The following SAP30BP variants were observed in gnomAD, a reference collection of about 807,000 sequenced individuals.
SAP30BP encodes the protein SAP30-binding protein.
In SAP30BP, 31 loss-of-function variants were observed where a neutral mutation model predicts 46.3. The ratio of observed to expected loss-of-function variants is 0.67; its 90% CI spans 0.50 to 0.90. SAP30BP has a LOEUF of 0.90. Ranked by LOEUF, SAP30BP falls within the 40% of genes least tolerant of loss-of-function variation. The pLI is 0.00. For missense variants in SAP30BP, 312 were observed against 391.0 expected (o/e 0.80, Z 1.70); for synonymous variants, 169 against 144.2 (o/e 1.17, Z -1.23).
rs563722858 is a variant in SAP30BP at position 75,703,769 on chromosome 17, G to A, written c.550-39G>A. 5 of 1,592,978 alleles carry A rather than the reference G, an allele frequency of 3.1e-6. No homozygotes were observed. The African/African-American group carries it at 6.7e-5, about 21-fold the overall frequency. ...TTGGGCCAGGAACTTGGGTTTCTGA[G>A]TCATTTGTCATCTGAGTCATTCGCC... On this transcript the variant is annotated intron_variant, in intron 7 of 10. Transcript: ENST00000584667.
intron 4 of SAP30BP, among the ~76,000 whole-genome samples, chr17:75,699,309 T>C (rs1044561751): frequency 3.3e-5 from 5 of 152,146 alleles, no homozygotes; most frequent in African/African-American, 4.8e-5. Flanking sequence ...TTCAAGCAAT[T>C]CTAGTTCCTC....
chr17:75,699,869 C>T lies in SAP30BP; in HGVS notation c.394C>T (p.Gln132Ter). 6.2e-7 allele frequency: 1 copy of T among 1,609,756 alleles called. No individual in the cohort carries two copies. Among genetic ancestry groups the T allele is most frequent in the Non-Finnish European group, 8.5e-7 (1 of 1,176,250 alleles). ...EPPGRCSNHL[Q>*]DKIQKLYERK... is the part of the protein sequence containing the mutation. ...CCCTGGCAGATGTTCAAATCACTTG[C>T]AAGTAAGCATGAGACTCGGCTACTG... is the stretch of plus-strand genomic sequence containing the variant. Residue 132 changes from glutamine (Q) to a stop codon, truncating the protein, a stop_gained and splice_region_variant, in exon 5 of 11, where the codon CAA (glutamine) becomes TAA (stop). Transcript: ENST00000584667. LOFTEE classifies it high-confidence loss of function.
chr17:75,704,876 C>G (rs1266934672), intron 9 of SAP30BP, 62 bp downstream of exon 9: 9 of 1,357,538 alleles, frequency 6.6e-6, no homozygotes, highest in Middle Eastern at 1.8e-4. Context: ...GTCCTGCTGG[C>G]TGAGCCCAGA....
chr17:75,674,561 G>T (rs2059954944), intron 3 of SAP30BP, among the ~76,000 whole-genome samples: 1 of 151,992 alleles, frequency 6.6e-6, no homozygotes, highest in Non-Finnish European at 1.5e-5. Flanking sequence ...CTCCCAAAGT[G>T]CTGGGATTAC....
chr17:75,692,418 G>A, intron 3 of SAP30BP: 1 of 985,472 alleles, frequency 1.0e-6, no homozygotes, highest in Non-Finnish European at 1.2e-6. Context: ...GCAACTTTCT[G>A]TGAACTCTGC....
intron 2 of SAP30BP, among the ~76,000 whole-genome samples, 187 bp from the exon 3 acceptor site, chr17:75,671,629 T>C (rs1003046703): frequency 2.0e-5 from 3 of 152,144 alleles, no homozygotes; most frequent in Non-Finnish European, 4.4e-5. Flanking sequence ...TTTGTTTTTT[T>C]CCCCTCCAGA....
chr17:75,704,702 C>A, intron 8 of SAP30BP, 54 bp from the exon 9 acceptor site: 1 of 1,340,282 alleles, frequency 7.5e-7, no homozygotes, highest in Non-Finnish European at 1.1e-6. Context: ...TAGGCTCCCT[C>A]AGCCCAGAGC....
At chr17:75,701,790 G>C (rs570974191) in intron 5 of SAP30BP, among the ~76,000 whole-genome samples, 11 of 152,252 alleles carry the variant, frequency 7.2e-5, no homozygotes, top group African/African-American at 2.6e-4. Context: ...TAGTCCCTGC[G>C]TATCAACACC....
At position 75,668,566 on chromosome 17, in the gene SAP30BP, C is replaced by G. The variant is rs769901204; in HGVS notation, c.157C>G (p.Arg53Gly). ...TGCCTATGGGGAGGATGACTTTTCT[C>G]GTCTAGGGGGTGATGAAGATGGTTA... ...SDAYGEDDFS[R>G]LGGDEDGYEE... The change falls in exon 2 of 11, where the codon CGT (arginine) becomes GGT (glycine). Residue 53 changes from arginine to glycine, a missense_variant. Coordinates refer to ENST00000584667, the MANE Select transcript of SAP30BP (RefSeq NM_013260.8). 1.2e-6 allele frequency: 2 copies of G among 1,603,816 alleles called. No homozygotes were observed. The highest frequency in any genetic ancestry group is 2.7e-5 in the African/African-American group (2 of 74,264).
At chr17:75,704,483 C>G (rs1364778203) in intron 8 of SAP30BP, among the ~76,000 whole-genome samples, 1 of 152,200 alleles carries the variant, frequency 6.6e-6, no homozygotes, top group Non-Finnish European at 1.5e-5. Flanking sequence ...AGGGTAGTCC[C>G]CATTGGGCCT....
Position 75,679,146 on chromosome 17 carries a change from G to A in SAP30BP, c.264+7283G>A, listed in dbSNP as rs139323458. Among the ~76,000 whole-genome samples the A allele has an allele frequency of 3.9e-3, 594 of 151,970 alleles. 4 individuals are homozygous for A. Among genetic ancestry groups the A allele is most frequent in the African/African-American group, 0.013 (540 of 41,454 alleles). ...GTAGTACCTGGGACTACAGGCGCCC[G>A]CCACCACACCTGGCTAATTTTTTGT... is the stretch of plus-strand genomic sequence containing the variant. On this transcript the variant is annotated intron_variant, in intron 3 of 10. Transcript: ENST00000584667.
At chr17:75,680,287 T>C (rs1291642138) in intron 3 of SAP30BP, among the ~76,000 whole-genome samples, 1 of 152,174 alleles carries the variant, frequency 6.6e-6, no homozygotes, top group African/African-American at 2.4e-5. Flanking sequence ...TGGGGGGAAT[T>C]GTTCTGGCAT....
At chr17:75,674,706 T>TG (rs1568300426) in intron 3 of SAP30BP, among the ~76,000 whole-genome samples, 11 of 117,848 alleles carry the variant, frequency 9.3e-5, no homozygotes, top group South Asian at 3.0e-4. Context: ...TGTTTTTTTT[T>TG]TTTTTTTTTT....
At position 75,694,918 on chromosome 17, in the gene SAP30BP, A is replaced by G. The variant is rs79059553; in HGVS notation, c.307+1436A>G. ...ATAGCTTTATTGAGGTATAATTTACATAGAGTAAGACTTGCCAATTTTACG... is the reference window on the plus strand; with the variant it reads ...ATAGCTTTATTGAGGTATAATTTACGTAGAGTAAGACTTGCCAATTTTACG... On this transcript the variant is annotated intron_variant, in intron 4 of 10. Transcript: ENST00000584667. Among the ~76,000 whole-genome samples, 33 of 152,378 alleles carry G rather than the reference A, an allele frequency of 2.2e-4. No homozygotes were observed. In the East Asian group the frequency reaches 5.8e-3, roughly 27 times the overall value.
chr17:75,706,010 TGA>T lies in SAP30BP; in HGVS notation c.665_666del (p.Glu222ValfsTer89). ...EKAKKERTKI[E>X]FVTGTKKGTT... is the part of the protein sequence containing the mutation. ...TTCTCTTCCCTCTCCCTCTCCAGAT[TGA>T]GTTTGTGACGGGCACCAAAAAAGGC... On this transcript the variant is annotated frameshift_variant, in exon 10 of 11. Transcript: ENST00000584667. LOFTEE classifies it high-confidence loss of function. The surrounding 1 kb of genome is among the most constrained non-coding windows in gnomAD (Gnocchi z 4.6). 1 of 1,613,250 alleles carries T rather than the reference TGA, an allele frequency of 6.2e-7. No individual in the cohort carries two copies. Among genetic ancestry groups the T allele is most frequent in the Non-Finnish European group, 8.5e-7 (1 of 1,179,946 alleles).
chr17:75,686,177 TTAA>T (rs1270732069), intron 3 of SAP30BP, among the ~76,000 whole-genome samples: 4 of 152,194 alleles, frequency 2.6e-5, no homozygotes, highest in African/African-American at 9.6e-5. Flanking sequence ...TATAGCCGGC[TTAA>T]TAAGTCTTGG....
At chr17:75,692,383 T>A (rs1346166463) in intron 3 of SAP30BP, 1 of 985,348 alleles carries the variant, frequency 1.0e-6, no homozygotes, top group Admixed American at 6.1e-5. Flanking sequence ...CCCTCACTCA[T>A]CAGCAGGAAA....
chr17:75,690,037 A>G (rs992726908), intron 3 of SAP30BP, among the ~76,000 whole-genome samples: 16 of 152,254 alleles, frequency 1.1e-4, no homozygotes, highest in Non-Finnish European at 2.4e-4. Flanking sequence ...TGATGGGTAC[A>G]CTGGGAGCCC....
At chr17:75,703,953 G>A (rs1319554776) in intron 8 of SAP30BP, 94 bp downstream of exon 8, 1 of 947,222 alleles carries the variant, frequency 1.1e-6, no homozygotes, top group Admixed American at 1.7e-5. Flanking sequence ...CATATTTCAG[G>A]GTCTACTCTA....
Sources: gnomAD v4.1 joint callset for allele counts (sites outside exome capture counted in the v4.1 genomes callset) on GRCh38, gnomAD v4.1.1 for gene constraint, Gnocchi (gnomAD v3.1) non-coding constraint, MANE v1.5 for transcripts, NCBI Gene and HGNC (gene_info 2026-07-23, HGNC 2026-07-21) for gene names.